The following SGSM1 variants were observed in gnomAD, a reference collection of about 807,000 sequenced individuals.
SGSM1 encodes small G protein signaling modulator 1, also known as RUN and TBC1 domain containing 2.
SGSM1 carries 73 observed loss-of-function variants against 133.8 expected under a neutral mutation model. The observed-to-expected ratio is 0.55, with a 90% confidence interval of 0.45 to 0.66. The LOEUF (loss-of-function observed/expected upper bound fraction) is 0.66. Among genes scored for constraint, SGSM1 ranks in the 30% least tolerant of loss-of-function variants. The pLI is 0.00. For synonymous variants in SGSM1, 563 were observed against 573.0 expected (o/e 0.98, Z 0.25); for missense variants, 1,213 against 1,448.1 (o/e 0.84, Z 2.64).
At chr22:24,862,726 C>CA (rs1931222639) in intron 9 of SGSM1, among the ~76,000 whole-genome samples, 1 of 152,148 alleles carries the variant, frequency 6.6e-6, no homozygotes, top group Admixed American at 6.5e-5. Flanking sequence ...TACTGGAAGA[C>CA]AATGAATGAG....
chr22:24,882,243 T>C (rs1033114029), intron 14 of SGSM1, among the ~76,000 whole-genome samples: 1 of 149,274 alleles, frequency 6.7e-6, no homozygotes, highest in Admixed American at 6.6e-5. Flanking sequence ...GTTTTTTGTA[T>C]TTTTTTTGTA....
intron 19 of SGSM1, among the ~76,000 whole-genome samples, chr22:24,898,859 C>G (rs12170338): frequency 6.6e-6 from 1 of 151,934 alleles, no homozygotes; most frequent in African/African-American, 2.4e-5. Context: ...AAACCTGTCT[C>G]TACTAAAAGT....
intron 20 of SGSM1, among the ~76,000 whole-genome samples, chr22:24,902,914 G>A (rs1933216186): frequency 6.6e-6 from 1 of 151,984 alleles, no homozygotes; most frequent in Non-Finnish European, 1.5e-5. Context: ...GATTGTATAC[G>A]CCTATAGTCG....
Position 24,898,194 on chromosome 22 carries a change from C to T in SGSM1, c.2245C>T (p.Leu749=), listed in dbSNP as rs1363844637. Residue 749 remains leucine (L), a synonymous_variant, in exon 19 of 25, where the codon CTG becomes TTG. Transcript: ENST00000400358. The stretch of plus-strand genomic sequence containing the variant: ...CGCCCAGCGGAACACCCCCACGGTG[C>T]TGCGACCTAGGGATGGCAGCGTGGA... ...LDAQRNTPTV[L]RPRDGSVDDR... The T allele has an allele frequency of 6.2e-7, 1 of 1,613,854 alleles. No homozygotes were observed. Among genetic ancestry groups the T allele is most frequent in the Non-Finnish European group, 8.5e-7 (1 of 1,179,764 alleles).
At chr22:24,900,381 T>TTCTTTCTTTCTTTC (rs1933100181) in intron 19 of SGSM1, among the ~76,000 whole-genome samples, 4 of 72,600 alleles carry the variant, frequency 5.5e-5, no homozygotes, top group African/African-American at 2.0e-4. Flanking sequence ...CTTTCTTTCT[T>TTCTTTCTTTCTTTC]TCTTTCTTTC....
At chr22:24,897,246 GGCGAGTGCCTGTAATCCCA>G (rs1170401698) in intron 18 of SGSM1, among the ~76,000 whole-genome samples, 1 of 151,954 alleles carries the variant, frequency 6.6e-6, no homozygotes, top group Non-Finnish European at 1.5e-5. Context: ...CAGGCATGGT[GGCGAGTGCCTGTAATCCCA>G]GCTACTCGGG....
At chr22:24,872,597 C>CT (rs1384916732) in intron 12 of SGSM1, among the ~76,000 whole-genome samples, 5 of 152,220 alleles carry the variant, frequency 3.3e-5, no homozygotes, top group Admixed American at 3.3e-4. Flanking sequence ...TTCACCTGTT[C>CT]TTTTAACCTT....
chr22:24,875,752 C>T (rs1008812989), intron 12 of SGSM1, among the ~76,000 whole-genome samples: 1 of 152,054 alleles, frequency 6.6e-6, no homozygotes, highest in African/African-American at 2.4e-5. Flanking sequence ...ATGCATATGT[C>T]CCCAGTATGT....
chr22:24,880,793 TGA>T (rs1212512440), intron 14 of SGSM1, among the ~76,000 whole-genome samples: 1 of 152,244 alleles, frequency 6.6e-6, no homozygotes, highest in Non-Finnish European at 1.5e-5. Context: ...TAATGGTGAC[TGA>T]GAACCTGAGT....
chr22:24,862,024 G>A (rs1237825291), intron 9 of SGSM1, among the ~76,000 whole-genome samples: 6 of 149,138 alleles, frequency 4.0e-5, no homozygotes, highest in South Asian at 2.1e-4. Context: ...GCACAATCTC[G>A]GCTCACCACA....
At chr22:24,811,733 G>A (rs143555204) in intron 2 of SGSM1, among the ~76,000 whole-genome samples, 97 of 152,118 alleles carry the variant, frequency 6.4e-4, no homozygotes, top group African/African-American at 2.3e-3. Context: ...GCCAGGCATT[G>A]TGGTGCATGC....
At chr22:24,915,855 A>G (rs532066645) in intron 22 of SGSM1, among the ~76,000 whole-genome samples, 2 of 152,260 alleles carry the variant, frequency 1.3e-5, no homozygotes, top group East Asian at 1.9e-4. Flanking sequence ...GAAATTGAGT[A>G]TCTTCTAGTT....
chr22:24,882,832 A>G lies in SGSM1; in HGVS notation c.1496-1221A>G, dbSNP rs549637407. 3.3e-5 allele frequency among the ~76,000 whole-genome samples: 5 copies of G among 152,048 alleles called. No individual in the cohort carries two copies. The South Asian group carries it at 1.0e-3, about 32-fold the overall frequency. The stretch of plus-strand genomic sequence containing the variant: ...CTCCATCCATGCTGCTGCGCATGAC[A>G]GGATTTCATTCTTTTCATGGCTGAA... On this transcript the variant is annotated intron_variant, in intron 14 of 24. Transcript: ENST00000400358.
At chr22:24,821,618 G>A (rs1312645152) in intron 2 of SGSM1, among the ~76,000 whole-genome samples, 1 of 152,192 alleles carries the variant, frequency 6.6e-6, no homozygotes, top group African/African-American at 2.4e-5. Context: ...GGTGGGCTGC[G>A]GGCACAGGGG....
At chr22:24,891,030 A>C (rs111810058) in intron 16 of SGSM1, among the ~76,000 whole-genome samples, 338 of 152,336 alleles carry the variant, frequency 2.2e-3, no homozygotes, top group African/African-American at 5.9e-3. Flanking sequence ...AAATAGAGTG[A>C]GATTAAATGG....
At chr22:24,811,268 T>G (rs993719362) in intron 2 of SGSM1, among the ~76,000 whole-genome samples, 1 of 152,020 alleles carries the variant, frequency 6.6e-6, no homozygotes, top group Non-Finnish European at 1.5e-5. Context: ...CCAGAATAAC[T>G]CTTGTTAAGG....
chr22:24,874,231 C>A (rs1478310553), intron 12 of SGSM1, among the ~76,000 whole-genome samples: 8 of 152,224 alleles, frequency 5.3e-5, no homozygotes, highest in Non-Finnish European at 1.2e-4. Flanking sequence ...ACACTCAGCG[C>A]ATAGTTGGCA....
At chr22:24,919,274 A>G (rs1405679806) in intron 23 of SGSM1, among the ~76,000 whole-genome samples, 7 of 143,730 alleles carry the variant, frequency 4.9e-5, no homozygotes, top group African/African-American at 1.8e-4. Context: ...CTGATCTTGA[A>G]CTCCTGACCT....
intron 2 of SGSM1, among the ~76,000 whole-genome samples, chr22:24,810,200 T>C (rs1881360193): frequency 6.6e-6 from 1 of 152,124 alleles, no homozygotes; most frequent in African/African-American, 2.4e-5. Context: ...CACTGCACAA[T>C]CTTAGACAAG....
Sources: allele counts gnomAD v4.1 joint callset (sites outside exome capture counted in the v4.1 genomes callset), GRCh38; gene constraint gnomAD v4.1.1; transcripts MANE v1.5; gene names NCBI Gene and HGNC (gene_info 2026-07-23, HGNC 2026-07-21).